PAFAH2: variants seen among roughly 807,000 people sequenced by gnomAD.
PAFAH2 encodes the protein platelet-activating factor acetylhydrolase 2, cytoplasmic.
In PAFAH2, 42 loss-of-function variants were observed where a neutral mutation model predicts 49.0. That is an observed-to-expected ratio of 0.86 (90% CI 0.67 to 1.11). The LOEUF is 1.11. Among genes scored for constraint, PAFAH2 ranks in the 50% least tolerant of loss-of-function variants. The pLI is 0.00. For synonymous variants in PAFAH2, 184 were observed against 181.3 expected (o/e 1.01, Z -0.12); for missense variants, 503 against 501.8 (o/e 1.00, Z -0.02).
intron 10 of PAFAH2, among the ~76,000 whole-genome samples, chr1:25,964,835 A>G (rs1293313940): frequency 6.6e-6 from 1 of 152,246 alleles, no homozygotes; most frequent in Non-Finnish European, 1.5e-5. Context: ...AAAAATGACC[A>G]TAATGCTCAA....
rs375972518 is a variant in PAFAH2, at chr1:25,983,930, A to G, written c.552+16T>C. 13 of 1,613,766 alleles carry G rather than the reference A, an allele frequency of 8.1e-6. No individual in the cohort carries two copies. Among genetic ancestry groups the G allele is most frequent in the South Asian group, 2.2e-5 (2 of 91,078 alleles). On this transcript the variant is annotated intron_variant, in intron 6 of 10. Transcript: ENST00000374282. ...CAGGCTCATTAACTCTCCCTCCCCA[A>G]CTGGCACAAACTTACCTGGGGATTC... is the stretch of plus-strand genomic sequence containing the variant.
intron 10 of PAFAH2, among the ~76,000 whole-genome samples, chr1:25,966,680 T>C (rs1323118282): frequency 6.6e-6 from 1 of 152,096 alleles, no homozygotes; most frequent in Non-Finnish European, 1.5e-5. Flanking sequence ...CAATGTTCAC[T>C]ATTCGGGTGA....
At chr1:25,969,757 T>C (rs2049479067) in intron 10 of PAFAH2, among the ~76,000 whole-genome samples, 2 of 152,178 alleles carry the variant, frequency 1.3e-5, no homozygotes, top group African/African-American at 4.8e-5. Context: ...TCAACGGGTA[T>C]TGCTTTTAAA....
At chr1:25,989,326 A>T in intron 3 of PAFAH2, 122 bp downstream of exon 3, 1 of 850,084 alleles carries the variant, frequency 1.2e-6, no homozygotes, top group Non-Finnish European at 1.7e-6. Context: ...CACACTGGCT[A>T]ATGGATGCCC....
At chr1:25,980,612 TA>T (rs1246081281) in intron 7 of PAFAH2, among the ~76,000 whole-genome samples, 938 of 19,456 alleles carry the variant, frequency 0.048, 13 homozygotes, top group African/African-American at 0.056. Context: ...GGGCCATATT[TA>T]TATATATATA....
chr1:25,991,887 T>C (rs1470442209), intron 1 of PAFAH2, among the ~76,000 whole-genome samples: 2 of 151,988 alleles, frequency 1.3e-5, no homozygotes, highest in African/African-American at 4.8e-5. Context: ...AGTGAGACCC[T>C]GTCTCAAAAA....
chr1:25,984,166 C>T, intron 5 of PAFAH2, 79 bp from the exon 6 acceptor site: 1 of 1,529,428 alleles, frequency 6.5e-7, no homozygotes, highest in Non-Finnish European at 9.0e-7. Flanking sequence ...GCCTCCCTTT[C>T]ATCCAGGAGG....
At chr1:25,992,831 C>T (rs1036655818) in intron 1 of PAFAH2, among the ~76,000 whole-genome samples, 3 of 152,188 alleles carry the variant, frequency 2.0e-5, no homozygotes, top group African/African-American at 4.8e-5. Flanking sequence ...TCTTATTCTC[C>T]GGTCAGTATT....
intron 10 of PAFAH2, among the ~76,000 whole-genome samples, chr1:25,964,936 CAA>C (rs1472357896): frequency 6.6e-6 from 1 of 151,914 alleles, no homozygotes; most frequent in Admixed American, 6.6e-5. Context: ...CATATGGAAC[CAA>C]AAAAGAGCCT....
intron 10 of PAFAH2, among the ~76,000 whole-genome samples, chr1:25,962,709 T>C (rs2049356771): frequency 6.6e-6 from 1 of 151,604 alleles, no homozygotes; most frequent in African/African-American, 2.4e-5. Flanking sequence ...CCTGAAGTCC[T>C]ACCTACTCAG....
At chr1:25,976,240 G>T (rs1251833806) in intron 8 of PAFAH2, among the ~76,000 whole-genome samples, 1 of 152,142 alleles carries the variant, frequency 6.6e-6, no homozygotes, top group African/African-American at 2.4e-5. Context: ...CTGGGCTCAA[G>T]TGATCCTCCT....
intron 4 of PAFAH2, among the ~76,000 whole-genome samples, chr1:25,984,849 T>TC (rs1047587911): frequency 1.0e-4 from 15 of 144,770 alleles, no homozygotes; most frequent in South Asian, 2.3e-4. Context: ...AGATTTCTTT[T>TC]TTTTTTTTTT....
chr1:25,978,030 C>T (rs1387391648), intron 7 of PAFAH2, among the ~76,000 whole-genome samples: 1 of 152,176 alleles, frequency 6.6e-6, no homozygotes, highest in Non-Finnish European at 1.5e-5. Context: ...TAAAAAGCCA[C>T]TGCAGCTGCT....
chr1:25,990,273 C>T (rs1438520360), intron 2 of PAFAH2, among the ~76,000 whole-genome samples: 1 of 152,018 alleles, frequency 6.6e-6, no homozygotes, highest in Non-Finnish European at 1.5e-5. Flanking sequence ...AGGACCAGTC[C>T]AGAAGTCAAA....
chr1:25,979,323 T>G (rs1335925080), intron 7 of PAFAH2, among the ~76,000 whole-genome samples: 2 of 151,786 alleles, frequency 1.3e-5, no homozygotes, highest in Non-Finnish European at 2.9e-5. Context: ...CAATGCCTTT[T>G]TTTTTTTTTT....
intron 1 of PAFAH2, among the ~76,000 whole-genome samples, chr1:25,996,377 T>C (rs556539131): frequency 7.3e-5 from 11 of 149,736 alleles, no homozygotes; most frequent in Non-Finnish European, 7.4e-5. Context: ...AAAGAAATAG[T>C]AACTATGGGC....
chr1:25,990,780 T>C lies in PAFAH2; in HGVS notation c.37A>G (p.Thr13Ala). 1.2e-6 allele frequency: 2 copies of C among 1,614,048 alleles called. No individual in the cohort carries two copies. The highest frequency in any genetic ancestry group is 2.2e-5 in the South Asian group (2 of 91,064). Residue 13 changes from threonine (T) to alanine (A), a missense_variant, in exon 2 of 11, where the codon ACA becomes GCA. Thr to Ala is a moderately conservative substitution (Grantham distance 58). Coordinates refer to ENST00000374282, the MANE Select transcript of PAFAH2 (RefSeq NM_000437.4). ...CCACAGCCTACGAGGTGGGGTCCTG[T>C]GACAGGTGGAAAGCCCACAGACTGG... ...VNQSVGFPPV[T>A]GPHLVGCGDV...
intron 10 of PAFAH2, among the ~76,000 whole-genome samples, chr1:25,964,831 G>T (rs1156980767): frequency 6.6e-6 from 1 of 152,124 alleles, no homozygotes; most frequent in Non-Finnish European, 1.5e-5. Context: ...TGTTAAAAAT[G>T]ACCATAATGC....
intron 9 of PAFAH2, among the ~76,000 whole-genome samples, chr1:25,973,757 G>A (rs2049544251): frequency 6.6e-6 from 1 of 152,188 alleles, no homozygotes; most frequent in Admixed American, 6.5e-5. Context: ...AAGGTCCATG[G>A]TATGCAGTCA....
Sources: gnomAD v4.1 joint callset for allele counts (sites outside exome capture counted in the v4.1 genomes callset) on GRCh38, gnomAD v4.1.1 for gene constraint, MANE v1.5 for transcripts, NCBI Gene and HGNC (gene_info 2026-07-23, HGNC 2026-07-21) for gene names.